The following PDE9A variants were observed in gnomAD, a reference collection of about 807,000 sequenced individuals.
PDE9A encodes high affinity cGMP-specific 3',5'-cyclic phosphodiesterase 9A.
PDE9A carries 60 observed loss-of-function variants against 87.4 expected under a neutral mutation model. That is an observed-to-expected ratio of 0.69 (90% CI 0.56 to 0.85). The LOEUF (loss-of-function observed/expected upper bound fraction) is 0.85. PDE9A is among the 40% of genes least tolerant of loss of function. The probability of loss-of-function intolerance (pLI) is 0.00; values close to 1 mark genes in which losing one functional copy is unlikely to be tolerated. For synonymous variants in PDE9A, 272 were observed against 279.4 expected (o/e 0.97, Z 0.27); for missense variants, 665 against 779.0 (o/e 0.85, Z 1.74).
chr21:42,674,712 C>T (rs751706179), intron 1 of PDE9A, among the ~76,000 whole-genome samples: 54 of 152,176 alleles, frequency 3.5e-4, no homozygotes, highest in Admixed American at 1.8e-3. Context: ...TACCACCAGC[C>T]TCTCTCCTAC....
rs994774741 is a variant in PDE9A, at chr21:42,704,888, A to G, written c.262+5877A>G. On this transcript the variant is annotated intron_variant, in intron 4 of 19. Coordinates refer to ENST00000291539, the MANE Select transcript of PDE9A (RefSeq NM_002606.3). This position sits in a 1 kb window ranked among gnomAD's most constrained non-coding sequence, Gnocchi z 5.3. ...CTAACGGGCCCGGTGGAACTGTGCA[A>G]TGCAGAAACACCCCAGGGTTTTGCT... Among the ~76,000 whole-genome samples the G allele has an allele frequency of 1.3e-5, 2 of 152,236 alleles. No homozygotes were observed. Among genetic ancestry groups the G allele is most frequent in the East Asian group, 1.9e-4 (1 of 5,198 alleles).
chr21:42,670,324 ATT>A (rs1569117604), intron 1 of PDE9A, among the ~76,000 whole-genome samples: 8 of 75,698 alleles, frequency 1.1e-4, no homozygotes, highest in African/African-American at 6.3e-4. Context: ...CCACACTCAC[ATT>A]CACACACATT....
At chr21:42,663,158 TACATCACACAC>T (rs1006097164) in intron 1 of PDE9A, among the ~76,000 whole-genome samples, 3 of 132,428 alleles carry the variant, frequency 2.3e-5, no homozygotes, top group East Asian at 2.3e-4. Flanking sequence ...CACCTGCATA[TACATCACACAC>T]ACATCACACA....
intron 9 of PDE9A, among the ~76,000 whole-genome samples, chr21:42,752,219 G>A (rs1317358380): frequency 6.6e-6 from 1 of 152,238 alleles, no homozygotes; most frequent in African/African-American, 2.4e-5. Context: ...TTCTATCCAC[G>A]CAGTTCCAAA....
At chr21:42,655,678 A>G (rs1264183441) in intron 1 of PDE9A, among the ~76,000 whole-genome samples, 1 of 152,216 alleles carries the variant, frequency 6.6e-6, no homozygotes, top group Admixed American at 6.5e-5. Flanking sequence ...TATAGACTGG[A>G]ATGAGAAGGG....
At position 42,723,440 on chromosome 21, in the gene PDE9A, G is replaced by A. The variant is rs190380224; in HGVS notation, c.263-8330G>A. ...GAGTCCAGGTGTGTGCAGATGAGAA[G>A]CAGCCAGGAGTTGAGGCTGAAGAGG... is the stretch of plus-strand genomic sequence containing the variant. On this transcript the variant is annotated intron_variant, in intron 4 of 19. Transcript: ENST00000291539. This position sits in a 1 kb window ranked among gnomAD's most constrained non-coding sequence, Gnocchi z 4.3. Among the ~76,000 whole-genome samples, 57 of 152,362 alleles carry A rather than the reference G, an allele frequency of 3.7e-4. No individual in the cohort carries two copies. Among genetic ancestry groups the A allele is most frequent in the African/African-American group, 1.2e-3 (51 of 41,584 alleles).
chr21:42,735,329 C>T (rs1007364712), intron 7 of PDE9A, among the ~76,000 whole-genome samples: 31 of 152,304 alleles, frequency 2.0e-4, no homozygotes, highest in African/African-American at 7.2e-4. Context: ...TAGACAGAGC[C>T]AGGCCGCGCA....
At chr21:42,688,028 C>T in intron 3 of PDE9A, 34 bp downstream of exon 3, 3 of 1,530,862 alleles carry the variant, frequency 2.0e-6, no homozygotes, top group Non-Finnish European at 2.7e-6. Context: ...TCGGGGTGTG[C>T]CTGGCACTTC....
chr21:42,767,849 C>G (rs2056551275), intron 15 of PDE9A, among the ~76,000 whole-genome samples: 1 of 152,226 alleles, frequency 6.6e-6, no homozygotes, highest in South Asian at 2.1e-4. Flanking sequence ...CCTGGCCAAG[C>G]TGAGACAGAG....
chr21:42,674,094 C>T (rs566043685), intron 1 of PDE9A, among the ~76,000 whole-genome samples: 1 of 152,180 alleles, frequency 6.6e-6, no homozygotes, highest in Non-Finnish European at 1.5e-5. Flanking sequence ...CTCCCCAAAC[C>T]TTGCTCAAGG....
rs1392700882 is a variant in PDE9A at position 42,659,240 on chromosome 21, G to T, written c.69+5357G>T. On this transcript the variant is annotated intron_variant, in intron 1 of 19. Transcript: ENST00000291539. This position sits in a 1 kb window ranked among gnomAD's most constrained non-coding sequence, Gnocchi z 4.1. Reference sequence around the variant, plus strand: ...AGCCAGACATTTCCAATGTCCAGAGGCCCAGGAGGGGACAGCTGGAAGCCA... The same window carrying T: ...AGCCAGACATTTCCAATGTCCAGAGTCCCAGGAGGGGACAGCTGGAAGCCA... 1.3e-5 allele frequency among the ~76,000 whole-genome samples: 2 copies of T among 152,152 alleles called. No homozygotes were observed. Among genetic ancestry groups the T allele is most frequent in the African/African-American group, 2.4e-5 (1 of 41,428 alleles).
chr21:42,769,458 GCA>G (rs1317125646), intron 17 of PDE9A, among the ~76,000 whole-genome samples: 1 of 121,868 alleles, frequency 8.2e-6, no homozygotes, highest in Non-Finnish European at 1.7e-5. Context: ...GCACACACAG[GCA>G]CACAAATGTG....
At chr21:42,687,236 C>T (rs1183927818) in intron 2 of PDE9A, among the ~76,000 whole-genome samples, 1 of 152,200 alleles carries the variant, frequency 6.6e-6, no homozygotes, top group Non-Finnish European at 1.5e-5. Flanking sequence ...AAGTACACGT[C>T]TGAAAGTGCA....
chr21:42,716,058 G>A (rs2049889310), intron 4 of PDE9A, among the ~76,000 whole-genome samples: 1 of 151,690 alleles, frequency 6.6e-6, no homozygotes, highest in African/African-American at 2.4e-5. Flanking sequence ...ATTCTTTTAT[G>A]CCTTTTCCCG....
chr21:42,756,461 C>T (rs549243708), intron 10 of PDE9A, among the ~76,000 whole-genome samples: 4 of 152,214 alleles, frequency 2.6e-5, no homozygotes, highest in African/African-American at 7.2e-5. Flanking sequence ...CACTTTTCTC[C>T]GAGTGGTTTG....
intron 2 of PDE9A, among the ~76,000 whole-genome samples, 199 bp from the exon 3 acceptor site, chr21:42,687,718 G>A (rs62215398): frequency 0.11 from 16,280 of 152,140 alleles, 1,144 homozygotes; most frequent in East Asian, 0.33. Flanking sequence ...AGGATTATAC[G>A]CAGCTGTTTA....
rs559154835 is a variant in PDE9A, at chr21:42,732,185, G to C, written c.497+61G>C. 240 of 1,512,618 alleles carry C rather than the reference G, an allele frequency of 1.6e-4. 1 individual carries two copies. The African/African-American group carries it at 2.9e-3, about 18-fold the overall frequency. 93.7% of individuals were successfully genotyped at this position (1,512,618 alleles called of 1,614,324 possible). Reference sequence around the variant, plus strand: ...TGGGCACATCTTTCTCTAAGAGCGAGGGCAGGCCCCAGGCTCTGAGGCTGG... The same window carrying C: ...TGGGCACATCTTTCTCTAAGAGCGACGGCAGGCCCCAGGCTCTGAGGCTGG... On this transcript the variant is annotated intron_variant, in intron 6 of 19. Transcript: ENST00000291539.
At chr21:42,665,049 T>C (rs2057872360) in intron 1 of PDE9A, among the ~76,000 whole-genome samples, 1 of 152,184 alleles carries the variant, frequency 6.6e-6, no homozygotes, top group South Asian at 2.1e-4. Flanking sequence ...GCCATCCTTC[T>C]AAGGAGAGGG....
rs2052797787 is a variant in PDE9A at position 42,739,035 on chromosome 21, AG to A, written c.569-4740del. On this transcript the variant is annotated intron_variant, in intron 7 of 19. Transcript: ENST00000291539. The surrounding 1 kb of genome is among the most constrained non-coding windows in gnomAD (Gnocchi z 4.1). Reference sequence around the variant, plus strand: ...CAGCCCGGGGTTTCCAGATAATACTAGCCCCACACACAGGCATGTCCTAGGG... The same window carrying A: ...CAGCCCGGGGTTTCCAGATAATACTACCCCACACACAGGCATGTCCTAGGG... Among the ~76,000 whole-genome samples the A allele has an allele frequency of 6.6e-6, 1 of 152,216 alleles. No homozygotes were observed. The highest frequency in any genetic ancestry group is 2.4e-5 in the African/African-American group (1 of 41,452).
Sources: gnomAD v4.1 joint callset for allele counts (sites outside exome capture counted in the v4.1 genomes callset) on GRCh38, gnomAD v4.1.1 for gene constraint, Gnocchi (gnomAD v3.1) non-coding constraint, MANE v1.5 for transcripts, NCBI Gene and HGNC (gene_info 2026-07-23, HGNC 2026-07-21) for gene names.